CTSD: variants seen among roughly 807,000 people sequenced by gnomAD.
CTSD encodes ceroid-lipofuscinosis, neuronal 10.
In CTSD, 28 loss-of-function variants were observed where a neutral mutation model predicts 43.6. The ratio of observed to expected loss-of-function variants is 0.64; its 90% confidence interval spans 0.48 to 0.88. CTSD has a LOEUF of 0.88. Among genes scored for constraint, CTSD ranks in the 40% least tolerant of loss-of-function variants. CTSD has a pLI of 0.00. For synonymous variants in CTSD, 270 were observed against 249.8 expected (o/e 1.08, Z -0.76); for missense variants, 485 against 555.2 (o/e 0.87, Z 1.27).
Position 1,759,093 on chromosome 11 carries a change from C to A in CTSD, c.353-6G>T. 6.2e-7 allele frequency: 1 copy of A among 1,607,444 alleles called. No individual in the cohort carries two copies. The highest frequency in any genetic ancestry group is 8.5e-7 in the Non-Finnish European group (1 of 1,173,948). ...GTTGTACTTGTGGTGGATCCCTGCC[C>A]CGGGCGACAAGGGGGCCCGCCGGTC... On this transcript the variant is annotated splice_polypyrimidine_tract_variant and splice_region_variant and intron_variant, in intron 3 of 8. Coordinates refer to ENST00000236671, the MANE Select transcript of CTSD (RefSeq NM_001909.5).
chr11:1,757,294 C>T (rs138267882), intron 5 of CTSD, 30 bp downstream of exon 5: 33 of 1,583,708 alleles, frequency 2.1e-5, no homozygotes, highest in South Asian at 4.5e-5. Context: ...CTCCCAGCAA[C>T]GCGGAGCGAG....
intron 1 of CTSD, among the ~76,000 whole-genome samples, chr11:1,763,370 C>T (rs1228395812): frequency 6.6e-6 from 1 of 152,208 alleles, no homozygotes; most frequent in Non-Finnish European, 1.5e-5. Flanking sequence ...TAAAGGGGTC[C>T]CTAAGGAAAT....
chr11:1,754,809 C>T (rs541208452), intron 6 of CTSD, 97 bp downstream of exon 6: 2 of 1,550,690 alleles, frequency 1.3e-6, no homozygotes, highest in Admixed American at 1.7e-5. Flanking sequence ...CTACTCCCCA[C>T]ATGCAACCCC....
At chr11:1,759,136 A>G (rs1845844439) in intron 3 of CTSD, 49 bp from the exon 4 acceptor site, 1 of 1,378,400 alleles carries the variant, frequency 7.3e-7, no homozygotes, top group East Asian at 2.3e-5. Context: ...AGCCCACGCC[A>G]CGGCCTTAGC....
chr11:1,755,210 G>GT, intron 5 of CTSD, 182 bp from the exon 6 acceptor site: 1 of 734,594 alleles, frequency 1.4e-6, no homozygotes, highest in Non-Finnish European at 2.4e-6. Context: ...TCTTCCCGGG[G>GT]TAGGGCTGCT....
chr11:1,763,469 G>T (rs1461006660), intron 1 of CTSD: 2 of 361,688 alleles, frequency 5.5e-6, no homozygotes, highest in Non-Finnish European at 1.0e-5. Context: ...CACCTGCCCC[G>T]AATGAGCACT....
At position 1,761,368 on chromosome 11, in the gene CTSD, G is replaced by T; in HGVS notation, c.169C>A (p.Gln57Lys). Residue 57 changes from glutamine (Q) to lysine (K), a missense_variant, in exon 2 of 9, where the codon CAG becomes AAG. Physicochemically the swap from Gln to Lys is moderately conservative, Grantham distance 53. Coordinates refer to ENST00000236671, the MANE Select transcript of CTSD (RefSeq NM_001909.5). ...CCCTCGGTCACGGCTGGCACCGCCTGGGAGTACTTTGAGACGGGGCCTTTG... is the reference window on the plus strand; with the variant it reads ...CCCTCGGTCACGGCTGGCACCGCCTTGGAGTACTTTGAGACGGGGCCTTTG... ...IAKGPVSKYS[Q>K]AVPAVTEGPI... is the part of the protein sequence containing the mutation. 6.2e-7 allele frequency: 1 copy of T among 1,613,806 alleles called. No homozygotes were observed.
At chr11:1,757,715 C>T (rs1419653419) in intron 4 of CTSD, among the ~76,000 whole-genome samples, 159 bp from the exon 5 acceptor site, 7 of 152,210 alleles carry the variant, frequency 4.6e-5, no homozygotes, top group Admixed American at 3.9e-4. Context: ...AGCTGAACAC[C>T]GCTGGGGATG....
In CTSD at chr11:1,754,587, A is replaced by G. The variant is rs1376355152; in HGVS notation, c.827+319T>C. ...ATGGAGGAGATGGAGGGTCATGAAG[A>G]GTCACAGAGGGATGAGGGGATGGAG... On this transcript the variant is annotated intron_variant, in intron 6 of 8. Coordinates refer to ENST00000236671, the MANE Select transcript of CTSD (RefSeq NM_001909.5). 9.2e-4 allele frequency among the ~76,000 whole-genome samples: 51 copies of G among 55,622 alleles called. 2 individuals carry two copies. Among genetic ancestry groups the G allele is most frequent in the African/African-American group, 3.1e-3 (48 of 15,296 alleles). 36.5% of individuals were successfully genotyped at this position (55,622 alleles called of 152,430 possible). A position where few individuals can be genotyped will look rare whatever the true frequency, so the allele number is the denominator to read the frequency against.
intron 6 of CTSD, 183 bp from the exon 7 acceptor site, chr11:1,754,321 A>T (rs1845769006): frequency 5.7e-5 from 25 of 438,506 alleles, no homozygotes; most frequent in East Asian, 1.6e-4. Context: ...AGAGTGGTAG[A>T]GGGGGTGGGA....
chr11:1,753,966 A>G (rs1434732966), intron 7 of CTSD, 28 bp downstream of exon 7: 1 of 906,564 alleles, frequency 1.1e-6, no homozygotes. Context: ...TGCCAGCCCC[A>G]GCCCCAGCCC....
At chr11:1,757,579 T>C (rs752122454) in intron 4 of CTSD, 23 bp from the exon 5 acceptor site, 23 of 1,584,192 alleles carry the variant, frequency 1.5e-5, no homozygotes, top group African/African-American at 2.7e-5. Context: ...GCAGAGTCAG[T>C]GGGCAGCAGA....
In CTSD at chr11:1,753,559, T is replaced by A; in HGVS notation, c.1183A>T (p.Thr395Ser). 6.2e-7 allele frequency: 1 copy of A among 1,612,978 alleles called. No homozygotes were observed. Among genetic ancestry groups the A allele is most frequent in the East Asian group, 2.2e-5 (1 of 44,842 alleles). ...CTGTTGTTGTCACGGTCAAACACAG[T>A]GTAGTAGCGGCCGATGAAGACGTCG... The part of the protein sequence containing the change: ...LGDVFIGRYY[T>S]VFDRDNNRVG... The change falls in exon 9 of 9, where the codon ACT (threonine) becomes TCT (serine). Residue 395 changes from threonine (T) to serine (S), a missense_variant. Thr to Ser is a moderately conservative substitution (Grantham distance 58, BLOSUM62 1). Coordinates refer to ENST00000236671, the MANE Select transcript of CTSD (RefSeq NM_001909.5).
chr11:1,757,555 A>T lies in CTSD; in HGVS notation c.473T>A (p.Val158Glu). Residue 158 changes from valine (V) to glutamate (E), a missense_variant and splice_region_variant, in exon 5 of 9, where the codon GTG (valine) becomes GAG (glutamate). Coordinates refer to ENST00000236671, the MANE Select transcript of CTSD (RefSeq NM_001909.5). ...SGYLSQDTVS[V>E]PCQSASSASA... is the part of the protein sequence containing the mutation. ...GGCTGACGACGCTGACTGGCAGGGC[A>T]CCTGCAGGCCAGGGCAGAGTCAGTG... 6.2e-7 allele frequency: 1 copy of T among 1,607,936 alleles called. No individual in the cohort carries two copies. Among genetic ancestry groups the T allele is most frequent in the Non-Finnish European group, 8.5e-7 (1 of 1,178,958 alleles).
rs748111192 is a variant in CTSD, at chr11:1,758,368, A to G, written c.471+601T>C. 2.1e-4 allele frequency among the ~76,000 whole-genome samples: 32 copies of G among 152,116 alleles called. 1 individual carries two copies. Among genetic ancestry groups the G allele is most frequent in the Admixed American group, 5.9e-4 (9 of 15,284 alleles). On this transcript the variant is annotated intron_variant, in intron 4 of 8. Coordinates refer to ENST00000236671, the MANE Select transcript of CTSD (RefSeq NM_001909.5). ...CCTTGTGGCCTGGTCCACCCCCAGC[A>G]GACAGCTCCGAGGTGAGAACTCACT...
rs147877091 is a variant in CTSD at position 1,761,515 on chromosome 11, C to T, written c.69-47G>A. 2.2e-4 allele frequency: 349 copies of T among 1,606,314 alleles called. No individual in the cohort carries two copies. The Middle Eastern group carries it at 2.8e-3, about 13-fold the overall frequency. On this transcript the variant is annotated intron_variant, in intron 1 of 8. Coordinates refer to ENST00000236671, the MANE Select transcript of CTSD (RefSeq NM_001909.5). ...ATATCAGGGAGGCCCTCCCGCCTGCCGGCCGACGCTGCCAATGCTGCACAT... is the reference window on the plus strand; with the variant it reads ...ATATCAGGGAGGCCCTCCCGCCTGCTGGCCGACGCTGCCAATGCTGCACAT...
Position 1,763,727 on chromosome 11 carries a change from C to G in CTSD, c.68+65G>C, listed in dbSNP as rs1845911644. 8 of 1,426,002 alleles carry G rather than the reference C, an allele frequency of 5.6e-6. No homozygotes were observed. The African/African-American group carries it at 5.9e-5, about 11-fold the overall frequency. The allele number at this position is 1,426,002 out of a possible 1,614,324, so 88.3% of individuals were successfully genotyped here. ...CCACAGGGGAGCGCGAAAGTCACCACAGGCCCCGGGACCTCGGCGCCGCGA... is the reference window on the plus strand; with the variant it reads ...CCACAGGGGAGCGCGAAAGTCACCAGAGGCCCCGGGACCTCGGCGCCGCGA... On this transcript the variant is annotated intron_variant, in intron 1 of 8. Transcript: ENST00000236671.
At chr11:1,763,482 C>T in intron 1 of CTSD, 1 of 394,364 alleles carries the variant, frequency 2.5e-6, no homozygotes, top group Non-Finnish European at 4.6e-6. Context: ...TGAGCACTAC[C>T]TCCCCCCGCC....
chr11:1,754,162 C>A (rs748443280), intron 6 of CTSD, 24 bp from the exon 7 acceptor site: 2 of 1,603,178 alleles, frequency 1.2e-6, no homozygotes, highest in Non-Finnish European at 1.7e-6. Context: ...GGGCGTGAAG[C>A]CCCTGCCGGG....
Sources: gnomAD v4.1 joint callset for allele counts (sites outside exome capture counted in the v4.1 genomes callset) on GRCh38, gnomAD v4.1.1 for gene constraint, MANE v1.5 for transcripts, NCBI Gene and HGNC (gene_info 2026-07-23, HGNC 2026-07-21) for gene names.